Variants in ABCC3 observed in about 807,000 individuals in gnomAD.
The protein encoded by ABCC3 is ATP-binding cassette sub-family C member 3.
ABCC3 carries 121 observed loss-of-function variants against 165.3 expected under a neutral mutation model. That is an observed-to-expected ratio of 0.73 (90% CI 0.63 to 0.85). The LOEUF (loss-of-function observed/expected upper bound fraction) is 0.85, where lower values mean the gene tolerates loss of function less well. Ranked by LOEUF, ABCC3 falls within the 40% of genes least tolerant of loss-of-function variation. ABCC3 has a pLI of 0.00. For missense variants in ABCC3, 1,869 were observed against 1,964.1 expected, an observed-to-expected ratio of 0.95 and a Z score of 0.92; for synonymous variants, 733 against 810.1, an observed-to-expected ratio of 0.90 and a Z score of 1.62.
chr17:50,639,786 CAG>C (rs1056907956), intron 1 of ABCC3, among the ~76,000 whole-genome samples: 57 of 147,880 alleles, frequency 3.9e-4, no homozygotes, highest in African/African-American at 1.3e-3. Flanking sequence ...TTTTTTGTGA[CAG>C]AGTCTTGCTC....
intron 19 of ABCC3, among the ~76,000 whole-genome samples, chr17:50,673,984 C>CCTTCCTTCCTTCCTTCCTTCCT (rs1967730159): frequency 3.5e-4 from 4 of 11,548 alleles, no homozygotes; most frequent in African/African-American, 1.7e-3. Context: ...TTCTTTCTCT[C>CCTTCCTTCCTTCCTTCCTTCCT]TCTCTCTCTC....
chr17:50,687,339 C>T lies in ABCC3; in HGVS notation c.4281-197C>T, dbSNP rs1012249545. The T allele has an allele frequency of 8.6e-6, 5 of 579,154 alleles. No individual in the cohort carries two copies. In the Admixed American group the frequency reaches 1.2e-4, roughly 14 times the overall value. 35.9% of individuals were successfully genotyped at this position (579,154 alleles called of 1,614,324 possible). On this transcript the variant is annotated intron_variant, in intron 29 of 30. Coordinates refer to ENST00000285238, the MANE Select transcript of ABCC3 (RefSeq NM_003786.4). ...TTCACAATGCCTTTTAGCACTGGCT[C>T]ATTCCCCAAGGCCCCTCATTATCCC...
chr17:50,663,837 C>A lies in ABCC3; in HGVS notation c.1155C>A (p.Ile385=). 1 of 1,614,176 alleles carries A rather than the reference C, an allele frequency of 6.2e-7. No homozygotes were observed. The highest frequency in any genetic ancestry group is 8.5e-7 in the Non-Finnish European group (1 of 1,180,028). Residue 385 remains isoleucine, a synonymous_variant, in exon 9 of 31, where the codon ATC becomes ATA. Transcript: ENST00000285238. Reference sequence around the variant, plus strand: ...CTGGGGTGAAGTTTCGTACTGGGATCATGGGTGTCATCTACAGGAAGGTCA... The same window carrying A: ...CTGGGGTGAAGTTTCGTACTGGGATAATGGGTGTCATCTACAGGAAGGTCA... ...FVTGVKFRTG[I]MGVIYRKALV...
At chr17:50,677,617 G>A (rs1427424445) in intron 23 of ABCC3, 127 bp from the exon 24 acceptor site, 1 of 912,038 alleles carries the variant, frequency 1.1e-6, no homozygotes, top group African/African-American at 1.7e-5. Context: ...GGGGAAGGCA[G>A]CGATGTCTCG....
intron 6 of ABCC3, among the ~76,000 whole-genome samples, chr17:50,658,833 C>T (rs1366569977): frequency 6.6e-6 from 1 of 152,262 alleles, no homozygotes; most frequent in Non-Finnish European, 1.5e-5. Context: ...GGCTGCGCCT[C>T]AGAGCGGCTT....
chr17:50,684,212 C>A, intron 28 of ABCC3, 105 bp downstream of exon 28: 1 of 1,430,714 alleles, frequency 7.0e-7, no homozygotes, highest in Non-Finnish European at 9.3e-7. Flanking sequence ...GTCTCAGAGG[C>A]TTGGGCAGGT....
At chr17:50,649,284 G>A (rs866707352) in intron 1 of ABCC3, among the ~76,000 whole-genome samples, 1 of 152,174 alleles carries the variant, frequency 6.6e-6, no homozygotes, top group South Asian at 2.1e-4. Flanking sequence ...GTATGGGCAG[G>A]CAGTATTAAT....
At chr17:50,673,886 G>T (rs545279835) in intron 19 of ABCC3, among the ~76,000 whole-genome samples, 1 of 145,008 alleles carries the variant, frequency 6.9e-6, no homozygotes, top group African/African-American at 2.5e-5. Context: ...CCTCCGCCCC[G>T]GTCTCAGAGC....
At chr17:50,640,119 C>G (rs936953310) in intron 1 of ABCC3, among the ~76,000 whole-genome samples, 1 of 152,200 alleles carries the variant, frequency 6.6e-6, no homozygotes, top group South Asian at 2.1e-4. Context: ...AGAACCCCAG[C>G]TAGGCCACTA....
intron 7 of ABCC3, among the ~76,000 whole-genome samples, chr17:50,660,717 A>C (rs1321106199): frequency 6.6e-6 from 1 of 152,190 alleles, no homozygotes; most frequent in South Asian, 2.1e-4. Context: ...TTGTGGTAGC[A>C]GTCTGGCCAC....
chr17:50,667,229 A>G (rs1597853180), intron 11 of ABCC3, among the ~76,000 whole-genome samples: 1 of 152,124 alleles, frequency 6.6e-6, no homozygotes, highest in African/African-American at 2.4e-5. Context: ...TCTAAAATAA[A>G]TAATACTAGC....
intron 8 of ABCC3, among the ~76,000 whole-genome samples, chr17:50,663,004 G>A (rs974806529): frequency 1.3e-5 from 2 of 152,144 alleles, no homozygotes; most frequent in Non-Finnish European, 2.9e-5. Flanking sequence ...CAGGGCTCGG[G>A]GGCAGGGGCA....
chr17:50,660,795 T>C, intron 7 of ABCC3, 128 bp from the exon 8 acceptor site: 1 of 520,352 alleles, frequency 1.9e-6, no homozygotes, highest in Non-Finnish European at 3.3e-6. Context: ...TCTGTTCCCC[T>C]CCCAGCTCTG....
At chr17:50,682,926 C>T (rs1306314348) in intron 26 of ABCC3, among the ~76,000 whole-genome samples, 1 of 152,132 alleles carries the variant, frequency 6.6e-6, no homozygotes, top group Non-Finnish European at 1.5e-5. Context: ...TAAGGTGTGG[C>T]ACAGTGGCTC....
intron 29 of ABCC3, among the ~76,000 whole-genome samples, chr17:50,686,892 G>T (rs1968031853): frequency 6.6e-6 from 1 of 152,186 alleles, no homozygotes; most frequent in Non-Finnish European, 1.5e-5. Context: ...GTCCTTGGAT[G>T]TGGGGATGCT....
At chr17:50,659,437 G>A (rs1967331140) in intron 7 of ABCC3, 69 bp downstream of exon 7, 3 of 1,535,030 alleles carry the variant, frequency 2.0e-6, no homozygotes. Context: ...GAGGACGCTG[G>A]TAGACCTTGG....
rs1465338261 is a variant in ABCC3, at chr17:50,664,061, C to T, written c.1288C>T (p.Leu430=). ...FMDLAPFLNL[L]WSAPLQIILA... Reference sequence around the variant, plus strand: ...GGACCTTGCCCCCTTCCTCAATCTGCTGTGGTCAGCACCCCTGCAGATCAT... The same window carrying T: ...GGACCTTGCCCCCTTCCTCAATCTGTTGTGGTCAGCACCCCTGCAGATCAT... Residue 430 remains leucine (L), a synonymous_variant, in exon 10 of 31, where the codon CTG becomes TTG. Transcript: ENST00000285238. 6.2e-7 allele frequency: 1 copy of T among 1,614,256 alleles called. No homozygotes were observed. Among genetic ancestry groups the T allele is most frequent in the Non-Finnish European group, 8.5e-7 (1 of 1,180,044 alleles).
intron 26 of ABCC3, among the ~76,000 whole-genome samples, chr17:50,680,622 C>T (rs941688669): frequency 2.0e-5 from 3 of 152,136 alleles, no homozygotes; most frequent in Non-Finnish European, 4.4e-5. Context: ...TCTGCCTTCA[C>T]CTCCCTCCCC....
intron 1 of ABCC3, among the ~76,000 whole-genome samples, chr17:50,638,901 G>A (rs2054202458): frequency 1.3e-5 from 2 of 152,204 alleles, no homozygotes; most frequent in South Asian, 4.1e-4. Context: ...CAGGTCTGGA[G>A]TTGCCCAATT....
Sources: gnomAD v4.1 joint callset for allele counts (sites outside exome capture counted in the v4.1 genomes callset) on GRCh38, gnomAD v4.1.1 for gene constraint, MANE v1.5 for transcripts, NCBI Gene and HGNC (gene_info 2026-07-23, HGNC 2026-07-21) for gene names.